The following LRMDA variants were observed in gnomAD, a reference collection of about 807,000 sequenced individuals.
LRMDA encodes leucine rich melanocyte differentiation associated.
A neutral mutation model predicts 29.8 loss-of-function variants in LRMDA; 18 were observed. The observed-to-expected ratio is 0.60, with a 90% CI of 0.42 to 0.90. The LOEUF (loss-of-function observed/expected upper bound fraction) is 0.90, where lower values mean the gene tolerates loss of function less well. Ranked by LOEUF, LRMDA falls within the 40% of genes least tolerant of loss-of-function variation. The probability of loss-of-function intolerance (pLI) is 0.00; values close to 1 mark genes in which losing one functional copy is unlikely to be tolerated. For missense variants in LRMDA, 273 were observed against 273.9 expected (o/e 1.00, Z 0.02); for synonymous variants, 125 against 109.4 (o/e 1.14, Z -0.89).
rs187807685 is a variant in LRMDA, at chr10:76,352,350, A to C, written c.601+27865A>C. ...AGAACAATTATAAGAATATTCCAGC[A>C]TCACTACGCTTGCACTTTGGGGCCA... is the stretch of plus-strand genomic sequence containing the variant. On this transcript the variant is annotated intron_variant, in intron 6 of 6. Transcript: ENST00000611255. Among the ~76,000 whole-genome samples the C allele has an allele frequency of 1.4e-3, 209 of 152,258 alleles. 2 individuals carry two copies. Among genetic ancestry groups the C allele is most frequent in the Non-Finnish European group, 2.3e-3 (154 of 67,990 alleles).
chr10:76,457,040 G>A (rs956574652), intron 6 of LRMDA, among the ~76,000 whole-genome samples: 3 of 152,046 alleles, frequency 2.0e-5, no homozygotes, highest in Admixed American at 1.3e-4. Context: ...GGATGTCTGC[G>A]GATGGTCAGA....
Position 76,371,732 on chromosome 10 carries a change from G to GGAAGA in LRMDA, c.601+47257_601+47261dup, listed in dbSNP as rs534949273. 3.1e-3 allele frequency among the ~76,000 whole-genome samples: 471 copies of GGAAGA among 152,220 alleles called. 4 individuals are homozygous for GGAAGA. Among genetic ancestry groups the GGAAGA allele is most frequent in the African/African-American group, 0.011 (441 of 41,534 alleles). On this transcript the variant is annotated intron_variant, in intron 6 of 6. Coordinates refer to ENST00000611255, the MANE Select transcript of LRMDA (RefSeq NM_001305581.2). Reference sequence around the variant, plus strand: ...CCATATGCTAGGTGAGTTGGATAGGGGAAGAGAAGAGAAGTAGGAGCCAGG... The same window carrying GGAAGA: ...CCATATGCTAGGTGAGTTGGATAGGGGAAGAGAAGAGAAGAGAAGTAGGAGCCAGG...
chr10:75,618,382 C>CTCTCTATATATA (rs1338091170), intron 2 of LRMDA, among the ~76,000 whole-genome samples: 7 of 77,034 alleles, frequency 9.1e-5, no homozygotes, highest in African/African-American at 2.1e-4. Context: ...CTCTCTCTCT[C>CTCTCTATATATA]TATATATATA....
intron 2 of LRMDA, among the ~76,000 whole-genome samples, chr10:75,984,178 C>T (rs1461921995): frequency 2.0e-5 from 3 of 151,002 alleles, no homozygotes; most frequent in Non-Finnish European, 2.9e-5. Context: ...GCTAATCTCC[C>T]TGCAGCAAGA....
At chr10:76,238,065 A>T (rs963347144) in intron 5 of LRMDA, among the ~76,000 whole-genome samples, 2 of 152,090 alleles carry the variant, frequency 1.3e-5, no homozygotes, top group Non-Finnish European at 2.9e-5. Context: ...TGCTGGGATT[A>T]TAGGCATGAG....
At chr10:75,519,428 C>G (rs559875426) in intron 2 of LRMDA, among the ~76,000 whole-genome samples, 3 of 152,192 alleles carry the variant, frequency 2.0e-5, no homozygotes, top group Non-Finnish European at 2.9e-5. Flanking sequence ...GATCCCTTTA[C>G]CATTATGTAA....
intron 2 of LRMDA, among the ~76,000 whole-genome samples, chr10:75,517,773 T>C (rs778674444): frequency 6.6e-6 from 1 of 152,224 alleles, no homozygotes; most frequent in Non-Finnish European, 1.5e-5. Context: ...ATCCTTGTCT[T>C]GTGCCAGTTT....
At chr10:75,535,117 T>C (rs1204253491) in intron 2 of LRMDA, among the ~76,000 whole-genome samples, 1 of 152,228 alleles carries the variant, frequency 6.6e-6, no homozygotes, top group Admixed American at 6.5e-5. Flanking sequence ...CAGTTCTTTT[T>C]ATCTTCTAAA....
chr10:76,308,437 G>GC (rs1840586991), intron 5 of LRMDA, among the ~76,000 whole-genome samples: 1 of 152,102 alleles, frequency 6.6e-6, no homozygotes, highest in Non-Finnish European at 1.5e-5. Flanking sequence ...CTGTTCACTG[G>GC]CCCCAGGAAA....
chr10:75,748,595 G>A (rs1359971285), intron 2 of LRMDA, among the ~76,000 whole-genome samples: 1 of 152,174 alleles, frequency 6.6e-6, no homozygotes, highest in East Asian at 1.9e-4. Context: ...GAGATGGCAT[G>A]AGATGCTGAC....
chr10:76,210,111 A>G (rs920433903), intron 5 of LRMDA, among the ~76,000 whole-genome samples: 4 of 152,232 alleles, frequency 2.6e-5, no homozygotes, highest in Admixed American at 2.6e-4. Context: ...TTAATTACAC[A>G]TAATTTGGGT....
intron 2 of LRMDA, among the ~76,000 whole-genome samples, chr10:75,543,755 G>A (rs1048447710): frequency 1.3e-5 from 2 of 150,712 alleles, no homozygotes; most frequent in East Asian, 2.0e-4. Flanking sequence ...CAGAACTTTT[G>A]TGCAGCTTTT....
Position 76,278,905 on chromosome 10 carries a change from G to A in LRMDA, c.517-45496G>A, listed in dbSNP as rs1026756643. ...AACTATTGTTGCTGGGTAGAGAGAAGCTTCAAGGAAGAATGAAATAAACAA... is the reference window on the plus strand; with the variant it reads ...AACTATTGTTGCTGGGTAGAGAGAAACTTCAAGGAAGAATGAAATAAACAA... On this transcript the variant is annotated intron_variant, in intron 5 of 6. Coordinates refer to ENST00000611255, the MANE Select transcript of LRMDA (RefSeq NM_001305581.2). 2.0e-5 allele frequency among the ~76,000 whole-genome samples: 3 copies of A among 152,206 alleles called. No individual in the cohort carries two copies. In the East Asian group the frequency reaches 5.8e-4, roughly 29 times the overall value.
intron 6 of LRMDA, among the ~76,000 whole-genome samples, chr10:76,549,331 G>A (rs898968447): frequency 6.6e-6 from 1 of 152,022 alleles, no homozygotes; most frequent in Admixed American, 6.6e-5. Flanking sequence ...TCCTTCCCCT[G>A]TTTTTCCTTC....
chr10:76,543,316 CTGTGTGTGTG>C lies in LRMDA; in HGVS notation c.602-13857_602-13848del, dbSNP rs71028203. Among the ~76,000 whole-genome samples the C allele has an allele frequency of 4.0e-3, 570 of 144,222 alleles. 1 individual carries two copies. The highest frequency in any genetic ancestry group is 7.4e-3 in the Middle Eastern group (2 of 272). 94.6% of individuals were successfully genotyped at this position (144,222 alleles called of 152,430 possible). On this transcript the variant is annotated intron_variant, in intron 6 of 6. Transcript: ENST00000611255. ...GAATTTAGTTGTTATTGGGGTGTGCCTGTGTGTGTGTGTGTGTGTGTGTGTGTGTGTGTGT... is the reference window on the plus strand; with the variant it reads ...GAATTTAGTTGTTATTGGGGTGTGCCTGTGTGTGTGTGTGTGTGTGTGTGT...
intron 6 of LRMDA, among the ~76,000 whole-genome samples, chr10:76,381,794 T>G (rs536055032): frequency 6.6e-6 from 1 of 152,282 alleles, no homozygotes; most frequent in South Asian, 2.1e-4. Flanking sequence ...GCTACCATCT[T>G]GTATTGTCCT....
At chr10:75,873,333 A>G (rs1344114822) in intron 2 of LRMDA, among the ~76,000 whole-genome samples, 1 of 152,254 alleles carries the variant, frequency 6.6e-6, no homozygotes, top group Admixed American at 6.5e-5. Context: ...AAAACAGTAC[A>G]AATGAAAGCT....
At chr10:76,097,190 T>G (rs1433173463) in intron 5 of LRMDA, among the ~76,000 whole-genome samples, 1 of 152,092 alleles carries the variant, frequency 6.6e-6, no homozygotes, top group African/African-American at 2.4e-5. Context: ...TTTGTATTTT[T>G]GGTAGAGATG....
At chr10:76,156,563 G>GAA (rs5786218) in intron 5 of LRMDA, among the ~76,000 whole-genome samples, 10 of 149,688 alleles carry the variant, frequency 6.7e-5, no homozygotes, top group East Asian at 3.9e-4. Flanking sequence ...AAGAGTTGCT[G>GAA]AAAAAAAAAA....
Sources: gnomAD v4.1 joint callset for allele counts (sites outside exome capture counted in the v4.1 genomes callset) on GRCh38, gnomAD v4.1.1 for gene constraint, MANE v1.5 for transcripts, NCBI Gene and HGNC (gene_info 2026-07-23, HGNC 2026-07-21) for gene names.